Variants in TBCE observed in about 807,000 individuals in gnomAD.
TBCE encodes the protein tubulin-specific chaperone E.
A neutral mutation model predicts 77.0 loss-of-function variants in TBCE; 53 were observed. The observed-to-expected ratio is 0.69, with a 90% CI of 0.55 to 0.87. The LOEUF (loss-of-function observed/expected upper bound fraction) is 0.87, where lower values mean the gene tolerates loss of function less well. Ranked by LOEUF, TBCE falls within the 40% of genes least tolerant of loss-of-function variation. The pLI is 0.00. For synonymous variants in TBCE, 235 were observed against 241.3 expected, an observed-to-expected ratio of 0.97 and a Z score of 0.24; for missense variants, 624 against 622.4, an observed-to-expected ratio of 1.00 and a Z score of -0.03.
chr1:235,396,070 T>C (rs940028770), intron 2 of TBCE, among the ~76,000 whole-genome samples: 13 of 152,034 alleles, frequency 8.6e-5, no homozygotes, highest in African/African-American at 3.1e-4. Flanking sequence ...TTTCTTTTTT[T>C]TTCTTTTGAG....
chr1:235,404,298 A>T (rs1374182104), intron 3 of TBCE, among the ~76,000 whole-genome samples: 3 of 148,688 alleles, frequency 2.0e-5, no homozygotes, highest in Admixed American at 6.8e-5. Flanking sequence ...AAAATTAAGC[A>T]GTGTGGGGTG....
At chr1:235,446,953 G>A (rs1253785398) in intron 15 of TBCE, among the ~76,000 whole-genome samples, 1 of 152,170 alleles carries the variant, frequency 6.6e-6, no homozygotes, top group African/African-American at 2.4e-5. Flanking sequence ...GGGGTTACAG[G>A]TGTGAGCAGG....
chr1:235,447,353 A>G (rs957090322), intron 15 of TBCE, among the ~76,000 whole-genome samples: 13 of 152,222 alleles, frequency 8.5e-5, no homozygotes, highest in African/African-American at 2.9e-4. Flanking sequence ...CTGTATCTCC[A>G]GCTAAAGCTT....
At chr1:235,379,453 G>A (rs369544577) in intron 1 of TBCE, among the ~76,000 whole-genome samples, 36 of 152,096 alleles carry the variant, frequency 2.4e-4, no homozygotes, top group African/African-American at 8.0e-4. Flanking sequence ...GCTTGAACCA[G>A]GGAGGTGGAG....
intron 2 of TBCE, among the ~76,000 whole-genome samples, chr1:235,397,411 T>TA (rs969919951): frequency 7.9e-5 from 12 of 152,120 alleles, no homozygotes; most frequent in Admixed American, 7.9e-4. Flanking sequence ...ACCGTGGTGC[T>TA]AGCCAGGATG....
At chr1:235,396,305 G>C (rs934246936) in intron 2 of TBCE, among the ~76,000 whole-genome samples, 2 of 151,976 alleles carry the variant, frequency 1.3e-5, no homozygotes, top group Admixed American at 6.6e-5. Flanking sequence ...TGATCTGCCC[G>C]CCTCTGCCTC....
intron 1 of TBCE, among the ~76,000 whole-genome samples, chr1:235,368,682 C>T (rs558044728): frequency 4.0e-5 from 6 of 151,222 alleles, no homozygotes; most frequent in Non-Finnish European, 7.4e-5. Context: ...CTCAGCCTCC[C>T]GAGTAGTTGG....
Position 235,449,093 on chromosome 1 carries a change from CA to C in TBCE, c.*332del. The C allele has an allele frequency of 3.3e-6, 1 of 303,080 alleles. No homozygotes were observed. Among genetic ancestry groups the C allele is most frequent in the Non-Finnish European group, 6.4e-6 (1 of 156,986 alleles). 18.8% of individuals were successfully genotyped at this position (303,080 alleles called of 1,614,324 possible). On this transcript the variant is annotated 3_prime_UTR_variant, in exon 17 of 17. Coordinates refer to ENST00000642610, the MANE Select transcript of TBCE (RefSeq NM_003193.5). ...AAATCTGAACACAGTTAATATCTGTCATAAGACTAGTTTTAATGGAATTCTC... is the reference window on the plus strand; with the variant it reads ...AAATCTGAACACAGTTAATATCTGTCTAAGACTAGTTTTAATGGAATTCTC...
chr1:235,393,208 T>C (rs555188897), intron 2 of TBCE, among the ~76,000 whole-genome samples: 2 of 152,316 alleles, frequency 1.3e-5, no homozygotes, highest in African/African-American at 4.8e-5. Context: ...TCACATTATT[T>C]ATATACTGAG....
chr1:235,439,350 G>C (rs992351489), intron 13 of TBCE, among the ~76,000 whole-genome samples: 7 of 149,700 alleles, frequency 4.7e-5, no homozygotes, highest in Non-Finnish European at 8.9e-5. Context: ...AAAAAAATGA[G>C]CCGGGCGTGG....
At chr1:235,412,813 A>T (rs868322550) in intron 3 of TBCE, among the ~76,000 whole-genome samples, 29 of 145,506 alleles carry the variant, frequency 2.0e-4, no homozygotes, top group Middle Eastern at 3.5e-3. Flanking sequence ...TATTATTATT[A>T]TTTTTTTGAG....
At chr1:235,443,122 G>C in intron 15 of TBCE, 1 of 584,980 alleles carries the variant, frequency 1.7e-6, no homozygotes, top group East Asian at 3.0e-5. Flanking sequence ...AACTTTATCA[G>C]CTGAAAGCAG....
chr1:235,437,015 G>T (rs1681495002), intron 11 of TBCE, among the ~76,000 whole-genome samples: 1 of 152,058 alleles, frequency 6.6e-6, no homozygotes, highest in Non-Finnish European at 1.5e-5. Context: ...TGTAATCCCA[G>T]CTACTCGGGA....
chr1:235,372,635 G>T (rs998640027), intron 1 of TBCE, among the ~76,000 whole-genome samples: 1 of 151,844 alleles, frequency 6.6e-6, no homozygotes, highest in Non-Finnish European at 1.5e-5. Context: ...AAAAGAGAGA[G>T]AGAGAGAGGC....
intron 1 of TBCE, among the ~76,000 whole-genome samples, chr1:235,372,598 A>G (rs1027733356): frequency 6.6e-6 from 1 of 152,000 alleles, no homozygotes; most frequent in African/African-American, 2.4e-5. Context: ...CCTGGGCAGC[A>G]TAGAGAGATC....
chr1:235,415,027 C>A (rs1322400855), intron 4 of TBCE: 8 of 260,642 alleles, frequency 3.1e-5, no homozygotes, highest in Non-Finnish European at 5.3e-5. Context: ...GGGAGTAGTT[C>A]TCACCTCGGG....
chr1:235,396,823 G>A (rs897612561), intron 2 of TBCE, among the ~76,000 whole-genome samples: 1 of 151,838 alleles, frequency 6.6e-6, no homozygotes. Flanking sequence ...TTTCTTAATC[G>A]GATTAATAGA....
At chr1:235,423,659 A>G (rs113442491) in intron 5 of TBCE, 9,660 of 153,372 alleles carry the variant, frequency 0.063, 554 homozygotes, top group African/African-American at 0.15. Flanking sequence ...GCCCAAGGGC[A>G]GAGGAGGAGC....
chr1:235,440,341 T>C (rs1479904369), intron 13 of TBCE, among the ~76,000 whole-genome samples: 1 of 151,920 alleles, frequency 6.6e-6, no homozygotes, highest in African/African-American at 2.4e-5. Context: ...CGCACCATGC[T>C]CCACTGTAGG....
Sources: allele counts gnomAD v4.1 joint callset (sites outside exome capture counted in the v4.1 genomes callset), GRCh38; gene constraint gnomAD v4.1.1; transcripts MANE v1.5; gene names NCBI Gene and HGNC (gene_info 2026-07-23, HGNC 2026-07-21).